TRIM14: variants seen among roughly 807,000 people sequenced by gnomAD.
The protein encoded by TRIM14 is tripartite motif-containing protein 14.
A neutral mutation model predicts 44.5 loss-of-function variants in TRIM14; 28 were observed. That is an observed-to-expected ratio of 0.63 (90% CI 0.47 to 0.86). The LOEUF is 0.86. TRIM14 is among the 40% of genes least tolerant of loss of function. The pLI, the probability that TRIM14 is intolerant of heterozygous loss-of-function variation, is 0.00. For synonymous variants in TRIM14, 299 were observed against 269.2 expected (o/e 1.11, Z -1.08); for missense variants, 607 against 611.1 (o/e 0.99, Z 0.07).
intron 2 of TRIM14, among the ~76,000 whole-genome samples, chr9:98,106,807 CT>C (rs1457537818): frequency 1.7e-5 from 2 of 119,382 alleles, no homozygotes; most frequent in Non-Finnish European, 3.5e-5. Flanking sequence ...CCAACAAACT[CT>C]TTTTCTTTTC....
chr9:98,094,849 G>A lies in TRIM14; in HGVS notation c.700+18C>T. ...CTAGGGGAGTTAAGGACACAAAGTT[G>A]GTCACTCGGCGACTTACTTTCCTTA... On this transcript the variant is annotated intron_variant, in intron 4 of 5. Transcript: ENST00000341469. The A allele has an allele frequency of 6.2e-7, 1 of 1,610,940 alleles. No individual in the cohort carries two copies. Among genetic ancestry groups the A allele is most frequent in the Non-Finnish European group, 8.5e-7 (1 of 1,177,924 alleles).
chr9:98,048,907 G>C, the TRIM14 span, among the ~76,000 whole-genome samples: 2 of 151,928 alleles, frequency 1.3e-5, no homozygotes, highest in Admixed American at 1.3e-4. Flanking sequence ...TGTAATTCCA[G>C]CTACCTGGGA....
At chr9:98,103,434 G>T (rs1334770918) in intron 2 of TRIM14, among the ~76,000 whole-genome samples, 4 of 152,158 alleles carry the variant, frequency 2.6e-5, no homozygotes. Context: ...GCATGGGATT[G>T]GGGGTAAGGG....
At chr9:98,057,012 GC>G in the TRIM14 span, 1 of 1,458,132 alleles carries the variant, frequency 6.9e-7, no homozygotes, top group South Asian at 1.4e-5. Context: ...GGGAGCCAGG[GC>G]CACACGGCCT....
chr9:98,053,834 T>TAA, the TRIM14 span, among the ~76,000 whole-genome samples: 1 of 151,842 alleles, frequency 6.6e-6, no homozygotes, highest in Non-Finnish European at 1.5e-5. Flanking sequence ...AATAAATAAA[T>TAA]ATCATCCTTT....
intron 2 of TRIM14, among the ~76,000 whole-genome samples, chr9:98,102,817 T>A (rs1198812091): frequency 2.0e-5 from 3 of 151,982 alleles, no homozygotes; most frequent in Non-Finnish European, 4.4e-5. Context: ...TACTTTAAAA[T>A]GGTTAAAATG....
Position 98,086,576 on chromosome 9 carries a change from C to T in TRIM14, c.*894G>A, listed in dbSNP as rs1825782476. 1 of 152,230 alleles carries T rather than the reference C, an allele frequency of 6.6e-6. No individual in the cohort carries two copies. Among genetic ancestry groups the T allele is most frequent in the Non-Finnish European group, 1.5e-5 (1 of 68,068 alleles). 9.4% of individuals were successfully genotyped at this position (152,230 alleles called of 1,614,324 possible). On this transcript the variant is annotated 3_prime_UTR_variant, in exon 6 of 6. Transcript: ENST00000341469. Reference sequence around the variant, plus strand: ...GGAAAGACAGGTCCCAGATTTGTGGCTCTGATAGTGAGATTCTTGTTCCTT... The same window carrying T: ...GGAAAGACAGGTCCCAGATTTGTGGTTCTGATAGTGAGATTCTTGTTCCTT...
chr9:98,096,774 T>C (rs996537934), intron 3 of TRIM14, among the ~76,000 whole-genome samples: 4 of 152,164 alleles, frequency 2.6e-5, no homozygotes, highest in African/African-American at 9.7e-5. Context: ...CTCCTGGACA[T>C]TGTGGCCTCC....
At chr9:98,088,509 C>A (rs1352356113) in intron 5 of TRIM14, among the ~76,000 whole-genome samples, 2 of 152,188 alleles carry the variant, frequency 1.3e-5, no homozygotes, top group African/African-American at 4.8e-5. Context: ...CGCCCACCAC[C>A]ACGCCCGGCT....
the TRIM14 span, among the ~76,000 whole-genome samples, chr9:98,052,344 G>GA: frequency 2.4e-4 from 35 of 143,728 alleles, no homozygotes; most frequent in East Asian, 4.1e-4. Flanking sequence ...TGACTGAAAA[G>GA]AAAAAAAAAA....
chr9:98,070,328 G>A (rs560649829), intron 6 of TRIM14, among the ~76,000 whole-genome samples: 2 of 152,144 alleles, frequency 1.3e-5, no homozygotes, highest in African/African-American at 4.8e-5. Context: ...ATGTTGACCA[G>A]GCTGGTCTTG....
At chr9:98,094,260 A>G (rs533765169) in intron 4 of TRIM14, among the ~76,000 whole-genome samples, 1 of 152,376 alleles carries the variant, frequency 6.6e-6, no homozygotes, top group East Asian at 1.9e-4. Flanking sequence ...GAATCAAAGA[A>G]CAGATATTTT....
the TRIM14 span, chr9:98,056,749 C>T: frequency 2.0e-6 from 3 of 1,512,210 alleles, no homozygotes; most frequent in Non-Finnish European, 2.7e-6. Flanking sequence ...AGAGTAGAGG[C>T]GGCGGCGGCG....
intron 2 of TRIM14, among the ~76,000 whole-genome samples, chr9:98,108,086 T>TC (rs928006849): frequency 3.3e-5 from 5 of 151,792 alleles, no homozygotes; most frequent in Admixed American, 3.3e-4. Flanking sequence ...CCATCCTTTT[T>TC]TTTTTTTTTT....
intron 1 of TRIM14, among the ~76,000 whole-genome samples, chr9:98,112,402 A>G (rs922414877): frequency 6.6e-6 from 1 of 152,204 alleles, no homozygotes; most frequent in African/African-American, 2.4e-5. Context: ...ATGCCAAAAT[A>G]AAAAGGAAGT....
intron 6 of TRIM14, among the ~76,000 whole-genome samples, chr9:98,073,129 G>C (rs550356498): frequency 6.6e-6 from 1 of 152,194 alleles, no homozygotes; most frequent in Non-Finnish European, 1.5e-5. Flanking sequence ...GGCCATCCCA[G>C]CAAAGCCGCC....
chr9:98,091,612 T>C (rs1193378322), intron 5 of TRIM14, among the ~76,000 whole-genome samples: 1 of 152,168 alleles, frequency 6.6e-6, no homozygotes, highest in Non-Finnish European at 1.5e-5. Context: ...AAATATATCA[T>C]TATATGCATA....
Position 98,087,268 on chromosome 9 carries a change from A to T in TRIM14, c.*202T>A, listed in dbSNP as rs1288089555. On this transcript the variant is annotated 3_prime_UTR_variant, in exon 6 of 6. Coordinates refer to ENST00000341469, the MANE Select transcript of TRIM14 (RefSeq NM_014788.4). ...GGAGGTCTGATGAGAGGGCAGCAGC[A>T]GACTTGTTTAGGGCCTGTTTGAAAC... 1.2e-6 allele frequency: 1 copy of T among 850,998 alleles called. No homozygotes were observed. The highest frequency in any genetic ancestry group is 2.1e-6 in the Non-Finnish European group (1 of 483,738). The allele number at this position is 850,998 out of a possible 1,614,324, so 52.7% of individuals were successfully genotyped here.
chr9:98,117,670 T>C (rs1468664445), intron 1 of TRIM14, among the ~76,000 whole-genome samples: 4 of 152,220 alleles, frequency 2.6e-5, no homozygotes, highest in Non-Finnish European at 5.9e-5. Context: ...AAAACTTATA[T>C]GTAACTGCTG....
Sources: allele counts gnomAD v4.1 joint callset (sites outside exome capture counted in the v4.1 genomes callset), GRCh38; gene constraint gnomAD v4.1.1; transcripts MANE v1.5; gene names NCBI Gene and HGNC (gene_info 2026-07-23, HGNC 2026-07-21).